Variants in NRG1 observed in about 807,000 individuals in gnomAD.
NRG1 encodes the protein neuregulin 1, also known as pro-neuregulin-1, membrane-bound isoform.
In NRG1, 18 loss-of-function variants were observed where a neutral mutation model predicts 63.8. The observed-to-expected ratio is 0.28, with a 90% CI of 0.19 to 0.42. The LOEUF is 0.42. Ranked by LOEUF, NRG1 falls within the 10% of genes least tolerant of loss-of-function variation. The pLI, the probability that NRG1 is intolerant of heterozygous loss-of-function variation, is 1.00. For synonymous variants in NRG1, 302 were observed against 301.3 expected (o/e 1.00, Z -0.02); for missense variants, 762 against 814.7 (o/e 0.94, Z 0.79).
chr8:32,566,297 C>T (rs971732428), intron 1 of NRG1, among the ~76,000 whole-genome samples: 4 of 142,334 alleles, frequency 2.8e-5, no homozygotes, highest in African/African-American at 1.0e-4. Flanking sequence ...GGGGAGGTTG[C>T]AGTGAGCCGA....
chr8:32,053,854 T>G (rs1437032589), intron 1 of NRG1, among the ~76,000 whole-genome samples: 1 of 152,220 alleles, frequency 6.6e-6, no homozygotes, highest in Non-Finnish European at 1.5e-5. Flanking sequence ...TACATATCTG[T>G]GCTGTTTGTG....
intron 1 of NRG1, among the ~76,000 whole-genome samples, chr8:32,235,906 T>A (rs1847500477): frequency 6.6e-6 from 1 of 152,194 alleles, no homozygotes; most frequent in African/African-American, 2.4e-5. Flanking sequence ...AACTGCATTT[T>A]AACAAGATTC....
At chr8:31,807,852 GACTA>G (rs1159642722) in intron 1 of NRG1, among the ~76,000 whole-genome samples, 1 of 152,028 alleles carries the variant, frequency 6.6e-6, no homozygotes, top group East Asian at 1.9e-4. Flanking sequence ...GTTTTTCTGT[GACTA>G]ACTTATTTCA....
intron 1 of NRG1, among the ~76,000 whole-genome samples, chr8:32,444,947 A>G (rs937585907): frequency 6.6e-6 from 1 of 152,252 alleles, no homozygotes; most frequent in African/African-American, 2.4e-5. Flanking sequence ...CAAACAAAAC[A>G]GTATTTCCTA....
chr8:32,483,439 CT>C (rs1825539916), intron 1 of NRG1, among the ~76,000 whole-genome samples: 1 of 152,196 alleles, frequency 6.6e-6, no homozygotes. Flanking sequence ...GCTTTTCCTT[CT>C]CCCCCCATGA....
intron 1 of NRG1, among the ~76,000 whole-genome samples, chr8:32,038,092 T>C (rs999019953): frequency 3.9e-5 from 6 of 152,232 alleles, no homozygotes; most frequent in African/African-American, 7.2e-5. Context: ...GCTGTGAGCC[T>C]GCACAGCTCT....
chr8:32,675,155 C>T (rs945814133), intron 5 of NRG1, among the ~76,000 whole-genome samples: 2 of 152,264 alleles, frequency 1.3e-5, no homozygotes, highest in Non-Finnish European at 2.9e-5. Context: ...AGCAAGATCA[C>T]ATTTATATAT....
intron 1 of NRG1, among the ~76,000 whole-genome samples, chr8:32,200,327 A>G (rs946102861): frequency 6.6e-6 from 1 of 152,190 alleles, no homozygotes; most frequent in African/African-American, 2.4e-5. Flanking sequence ...CTGAATTTCC[A>G]AGAGTGCTTT....
intron 5 of NRG1, among the ~76,000 whole-genome samples, chr8:32,652,380 C>T (rs547458889): frequency 3.3e-5 from 5 of 151,644 alleles, no homozygotes; most frequent in African/African-American, 1.2e-4. Context: ...AGGGTGAGTT[C>T]TTCCCTCATA....
rs147189312 is a variant in NRG1, at chr8:32,764,295, C to T, written c.1807C>T (p.Arg603Cys). The T allele has an allele frequency of 7.3e-5, 118 of 1,614,056 alleles. No individual in the cohort carries two copies. In the African/African-American group the frequency reaches 1.1e-3, roughly 15 times the overall value. Reference sequence around the variant, plus strand: ...CAGTCTTGAGGCAACACCTGCCTTCCGCCTGGCTGACAGCAGGACTAACCC... The same window carrying T: ...CAGTCTTGAGGCAACACCTGCCTTCTGCCTGGCTGACAGCAGGACTAACCC... The change falls in exon 12 of 12, where the codon CGC becomes TGC. Residue 603 changes from arginine to cysteine, a missense_variant. Arg to Cys is a radical substitution (Grantham distance 180). This residue lies in a region of NRG1 where 503 missense variants were observed against 506.8 expected (regional missense o/e 0.99). Transcript: ENST00000356819.
chr8:32,642,083 C>T (rs953642149), intron 5 of NRG1, among the ~76,000 whole-genome samples: 2 of 152,054 alleles, frequency 1.3e-5, no homozygotes, highest in African/African-American at 4.8e-5. Context: ...TACTTTGGAA[C>T]AATCAGAGAA....
At chr8:32,056,396 T>C in intron 1 of NRG1, among the ~76,000 whole-genome samples, 1 of 152,182 alleles carries the variant, frequency 6.6e-6, no homozygotes, top group East Asian at 1.9e-4. Context: ...AAAATGTTTA[T>C]TTTCTGCCTT....
At chr8:32,209,361 A>T (rs1414574206) in intron 1 of NRG1, among the ~76,000 whole-genome samples, 1 of 151,958 alleles carries the variant, frequency 6.6e-6, no homozygotes, top group Non-Finnish European at 1.5e-5. Context: ...ACCTAATTTC[A>T]CTGTTTTTCT....
At chr8:31,701,155 G>T (rs1304794784) in intron 1 of NRG1, among the ~76,000 whole-genome samples, 1 of 152,098 alleles carries the variant, frequency 6.6e-6, no homozygotes, top group Non-Finnish European at 1.5e-5. Flanking sequence ...TACATGTAGT[G>T]AGAGCATATA....
chr8:32,545,476 G>T (rs1337300906), upstream of NRG1, among the ~76,000 whole-genome samples: 2 of 149,340 alleles, frequency 1.3e-5, no homozygotes, highest in African/African-American at 4.9e-5. Flanking sequence ...ATACAATTGG[G>T]TTTTTTTTTT....
At chr8:32,681,696 A>G (rs1450422985) in intron 5 of NRG1, among the ~76,000 whole-genome samples, 1 of 152,180 alleles carries the variant, frequency 6.6e-6, no homozygotes, top group Non-Finnish European at 1.5e-5. Context: ...AACTCTTGGA[A>G]TATCGTCACT....
Position 32,722,181 on chromosome 8 carries a change from C to G in NRG1, c.503-5768C>G, listed in dbSNP as rs138016194. ...TGTAAGTAACTCGTAAAGAATTGTC[C>G]TAAAAGCTGTGGGTGAGGACTAATT... is the stretch of plus-strand genomic sequence containing the variant. On this transcript the variant is annotated intron_variant, in intron 5 of 11. Transcript: ENST00000356819. The G allele has an allele frequency of 1.3e-4, 96 of 732,020 alleles. No individual in the cohort carries two copies. In the East Asian group the frequency reaches 2.4e-3, roughly 19 times the overall value. The allele number at this position is 732,020 out of a possible 1,614,324, so 45.3% of individuals were successfully genotyped here.
At chr8:32,087,484 T>TTTTC (rs1417210180) in intron 1 of NRG1, among the ~76,000 whole-genome samples, 6 of 119,848 alleles carry the variant, frequency 5.0e-5, no homozygotes, top group African/African-American at 2.1e-4. Context: ...TTTTCTTTCT[T>TTTTC]TTTTTTTTTT....
rs559321825 is a variant in NRG1, at chr8:32,250,553, AT to A, written c.38-345268del. Reference sequence around the variant, plus strand: ...AGTCTATTCCCAGCTGTTCTATTTCATTTTTTTATAGCTTATAGTGACTCAT... The same window carrying A: ...AGTCTATTCCCAGCTGTTCTATTTCATTTTTTATAGCTTATAGTGACTCAT... On this transcript the variant is annotated intron_variant, in intron 1 of 10. Coordinates refer to the NRG1 transcript ENST00000519301. 5.2e-3 allele frequency among the ~76,000 whole-genome samples: 429 copies of A among 81,722 alleles called. 2 individuals carry two copies. The highest frequency in any genetic ancestry group is 0.022 in the African/African-American group (412 of 18,718). The allele number at this position is 81,722 out of a possible 152,430, so 53.6% of individuals were successfully genotyped here.
Sources: gnomAD v4.1 joint callset for allele counts (sites outside exome capture counted in the v4.1 genomes callset) on GRCh38, gnomAD v4.1.1 for gene constraint, gnomAD v4.1.1 regional missense constraint, MANE v1.5 for transcripts, NCBI Gene and HGNC (gene_info 2026-07-23, HGNC 2026-07-21) for gene names.